Variants in COG6 observed in about 807,000 individuals in gnomAD.
The protein encoded by COG6 is conserved oligomeric Golgi complex subunit 6.
Under a neutral mutation model 88.8 loss-of-function variants are expected in COG6, and 74 were observed. The ratio of observed to expected loss-of-function variants is 0.83; its 90% CI spans 0.69 to 1.01. The LOEUF (loss-of-function observed/expected upper bound fraction) is 1.01. COG6 is among the 50% of genes least tolerant of loss of function. The probability of loss-of-function intolerance (pLI) is 0.00; values close to 1 mark genes in which losing one functional copy is unlikely to be tolerated. For synonymous variants in COG6, 286 were observed against 278.7 expected, an observed-to-expected ratio of 1.03 and a Z score of -0.26; for missense variants, 800 against 797.9, an observed-to-expected ratio of 1.00 and a Z score of -0.03.
Position 39,751,780 on chromosome 13 carries a change from G to A in COG6, c.*687G>A. 1 of 1,287,152 alleles carries A rather than the reference G, an allele frequency of 7.8e-7. No individual in the cohort carries two copies. Among genetic ancestry groups the A allele is most frequent in the Non-Finnish European group, 1.0e-6 (1 of 988,660 alleles). 79.7% of individuals were successfully genotyped at this position (1,287,152 alleles called of 1,614,324 possible). On this transcript the variant is annotated 3_prime_UTR_variant, in exon 19 of 19. Transcript: ENST00000455146. ...AGAGAAAAGTGATTTAAACAGGGTG[G>A]ATTCCACTCTGTGGGAGCCTTCGAT...
At chr13:39,771,571 G>C (rs1360158958) in intron 18 of COG6, among the ~76,000 whole-genome samples, 1 of 152,212 alleles carries the variant, frequency 6.6e-6, no homozygotes, top group African/African-American at 2.4e-5. Flanking sequence ...GACAGTCTTG[G>C]TTCCATCTCT....
intron 15 of COG6, among the ~76,000 whole-genome samples, chr13:39,720,137 G>A (rs1566194790): frequency 6.6e-6 from 1 of 151,958 alleles, no homozygotes; most frequent in Non-Finnish European, 1.5e-5. Flanking sequence ...TGATTAATTT[G>A]AACAGTTAGT....
rs1010545395 is a variant in COG6, at chr13:39,780,438, A to T, written c.1827-7897A>T. 2.0e-5 allele frequency among the ~76,000 whole-genome samples: 3 copies of T among 152,334 alleles called. No homozygotes were observed. The South Asian group carries it at 6.2e-4, about 32-fold the overall frequency. On this transcript the variant is annotated intron_variant, in intron 18 of 18. Transcript: ENST00000416691. Reference sequence around the variant, plus strand: ...TGAAAGAAATGTCCCTTCTATTCAAAGACAATGTCTGGGGTGAAGTAATTT... The same window carrying T: ...TGAAAGAAATGTCCCTTCTATTCAATGACAATGTCTGGGGTGAAGTAATTT...
intron 18 of COG6, among the ~76,000 whole-genome samples, chr13:39,736,615 T>A (rs1008306512): frequency 6.6e-6 from 1 of 152,092 alleles, no homozygotes; most frequent in Non-Finnish European, 1.5e-5. Flanking sequence ...CGCTTGAACC[T>A]GGGAGGCGGA....
intron 4 of COG6, among the ~76,000 whole-genome samples, chr13:39,675,666 G>C (rs919439933): frequency 7.9e-5 from 12 of 152,092 alleles, no homozygotes; most frequent in African/African-American, 2.9e-4. Flanking sequence ...TGATCAAGGT[G>C]GGTAGCATTT....
chr13:39,762,032 T>C (rs768596952), intron 18 of COG6, among the ~76,000 whole-genome samples: 4 of 151,856 alleles, frequency 2.6e-5, no homozygotes, highest in Non-Finnish European at 4.4e-5. Flanking sequence ...AAGGGAATTA[T>C]GGATATGTTG....
chr13:39,748,112 T>C (rs1017654157), intron 18 of COG6, among the ~76,000 whole-genome samples: 8 of 152,220 alleles, frequency 5.3e-5, no homozygotes, highest in Non-Finnish European at 8.8e-5. Flanking sequence ...ATCTATGTTA[T>C]TGCGCTTAGA....
chr13:39,745,492 A>G (rs1880293677), intron 18 of COG6, among the ~76,000 whole-genome samples: 1 of 152,194 alleles, frequency 6.6e-6, no homozygotes, highest in Non-Finnish European at 1.5e-5. Context: ...AATGCTCATC[A>G]TCACTCACTG....
At chr13:39,746,962 CAAT>C (rs1880383109) in intron 18 of COG6, among the ~76,000 whole-genome samples, 1 of 151,806 alleles carries the variant, frequency 6.6e-6, no homozygotes, top group African/African-American at 2.4e-5. Context: ...TTTTTTAAAA[CAAT>C]AACTCATTAA....
chr13:39,763,591 C>T (rs1566043342), intron 18 of COG6, among the ~76,000 whole-genome samples: 1 of 151,534 alleles, frequency 6.6e-6, no homozygotes, highest in Non-Finnish European at 1.5e-5. Flanking sequence ...GAGATCAATA[C>T]AGAAAAATAA....
At chr13:39,660,735 A>G in intron 2 of COG6, 75 bp from the exon 3 acceptor site, 1 of 975,228 alleles carries the variant, frequency 1.0e-6, no homozygotes, top group Non-Finnish European at 1.6e-6. Flanking sequence ...TAACTAAAAT[A>G]AGGATTTAGC....
At chr13:39,678,207 C>T (rs774815450) in intron 5 of COG6, 6 of 342,934 alleles carry the variant, frequency 1.7e-5, no homozygotes, top group African/African-American at 2.2e-5. Flanking sequence ...GCTAGGGTAT[C>T]CAGGCATGCA....
intron 12 of COG6, among the ~76,000 whole-genome samples, chr13:39,696,737 G>A (rs901576955): frequency 2.2e-4 from 33 of 151,384 alleles, no homozygotes; most frequent in African/African-American, 7.3e-4. Flanking sequence ...AAATGTGAGG[G>A]TTTTGAGTGA....
rs941944869 is a variant in COG6 at position 39,690,695 on chromosome 13, G to T, written c.1074+871G>T. 4.6e-5 allele frequency among the ~76,000 whole-genome samples: 7 copies of T among 151,746 alleles called. No homozygotes were observed. In the East Asian group the frequency reaches 1.4e-3, roughly 29 times the overall value. On this transcript the variant is annotated intron_variant, in intron 11 of 18. Coordinates refer to ENST00000455146, the MANE Select transcript of COG6 (RefSeq NM_020751.3). ...TTTGTTTTTTTGGTATATGCTTCAG[G>T]CAAGGAAATCTCAGATGACACACTT...
chr13:39,757,779 C>T (rs1880885802), intron 18 of COG6, among the ~76,000 whole-genome samples: 1 of 152,116 alleles, frequency 6.6e-6, no homozygotes, highest in Admixed American at 6.5e-5. Flanking sequence ...TCAAAAAACT[C>T]CCAACAAGAA....
intron 7 of COG6, among the ~76,000 whole-genome samples, chr13:39,681,674 TAAAG>T (rs1315699873): frequency 1.3e-5 from 2 of 152,196 alleles, no homozygotes; most frequent in African/African-American, 2.4e-5. Flanking sequence ...ATTAGAATAA[TAAAG>T]AAAAGTTGGT....
chr13:39,747,962 CTTATT>C (rs1485633084), intron 18 of COG6, among the ~76,000 whole-genome samples: 5 of 152,044 alleles, frequency 3.3e-5, no homozygotes, highest in East Asian at 1.9e-4. Flanking sequence ...GTACATTATT[CTTATT>C]TTATACTTTT....
At chr13:39,674,542 A>G (rs964749732) in intron 4 of COG6, among the ~76,000 whole-genome samples, 6 of 152,164 alleles carry the variant, frequency 3.9e-5, no homozygotes, top group Admixed American at 1.3e-4. Context: ...ATACGACTGG[A>G]CATACTGAAA....
intron 13 of COG6, among the ~76,000 whole-genome samples, chr13:39,703,130 C>A (rs1483650118): frequency 6.6e-6 from 1 of 152,074 alleles, no homozygotes; most frequent in African/African-American, 2.4e-5. Context: ...GAAAGCCCCC[C>A]AGGAGGTCCA....
Sources: gnomAD v4.1 joint callset for allele counts (sites outside exome capture counted in the v4.1 genomes callset) on GRCh38, gnomAD v4.1.1 for gene constraint, MANE v1.5 for transcripts, NCBI Gene and HGNC (gene_info 2026-07-23, HGNC 2026-07-21) for gene names.